Variants in CALN1 observed in about 807,000 individuals in gnomAD.
The protein encoded by CALN1 is calcium-binding protein 8.
In CALN1, 17 loss-of-function variants were observed where a neutral mutation model predicts 30.6. That is an observed-to-expected ratio of 0.56 (90% CI 0.38 to 0.83). CALN1 has a LOEUF of 0.83. CALN1 is among the 40% of genes least tolerant of loss of function. The pLI, the probability that CALN1 is intolerant of heterozygous loss-of-function variation, is 0.00. For synonymous variants in CALN1, 156 were observed against 131.4 expected, an observed-to-expected ratio of 1.19 and a Z score of -1.28; for missense variants, 291 against 354.9, an observed-to-expected ratio of 0.82 and a Z score of 1.45.
intron 1 of CALN1, among the ~76,000 whole-genome samples, chr7:72,406,151 G>A (rs759803726): frequency 1.3e-5 from 2 of 152,208 alleles, no homozygotes; most frequent in African/African-American, 4.8e-5. Context: ...CCCATAGCCA[G>A]AAGCCGTCTC....
chr7:72,226,595 G>A (rs1337786014), intron 3 of CALN1, among the ~76,000 whole-genome samples: 1 of 152,204 alleles, frequency 6.6e-6, no homozygotes, highest in African/African-American at 2.4e-5. Flanking sequence ...TACATGGACA[G>A]GATAAAAGTT....
At chr7:72,109,761 C>T (rs1399584598) in intron 3 of CALN1, among the ~76,000 whole-genome samples, 2 of 152,192 alleles carry the variant, frequency 1.3e-5, no homozygotes, top group Non-Finnish European at 2.9e-5. Context: ...GATGGGAGGA[C>T]GCAGAGGCCA....
intron 2 of CALN1, among the ~76,000 whole-genome samples, chr7:72,324,863 C>A (rs1415669899): frequency 6.6e-6 from 1 of 152,170 alleles, no homozygotes; most frequent in Admixed American, 6.6e-5. Flanking sequence ...GGATTACAGG[C>A]ATGAGCCACT....
chr7:72,453,180 GT>G, the CALN1 span, among the ~76,000 whole-genome samples: 2 of 152,216 alleles, frequency 1.3e-5, no homozygotes, highest in Non-Finnish European at 2.9e-5. Context: ...AGGCTGGGAA[GT>G]TTCTTGGCTT....
At chr7:71,838,021 A>C (rs1026950310) in intron 5 of CALN1, among the ~76,000 whole-genome samples, 1 of 152,134 alleles carries the variant, frequency 6.6e-6, no homozygotes, top group Non-Finnish European at 1.5e-5. Flanking sequence ...GTTAAGTGGT[A>C]ATTGTGGTAA....
At chr7:71,870,713 C>T (rs1160900746) in intron 5 of CALN1, among the ~76,000 whole-genome samples, 6 of 152,102 alleles carry the variant, frequency 3.9e-5, no homozygotes, top group East Asian at 3.9e-4. Flanking sequence ...TCAATAGAAA[C>T]GTACTGAGGA....
chr7:72,501,958 TATATATATAA>T, the CALN1 span, among the ~76,000 whole-genome samples: 276 of 114,670 alleles, frequency 2.4e-3, 5 homozygotes, highest in Non-Finnish European at 3.3e-3. Flanking sequence ...TACACACATA[TATATATATAA>T]ATATATATAC....
chr7:72,349,362 T>C (rs1159751794), intron 2 of CALN1, among the ~76,000 whole-genome samples: 1 of 151,670 alleles, frequency 6.6e-6, no homozygotes, highest in South Asian at 2.1e-4. Flanking sequence ...GAATAAATAG[T>C]GGCTAATATT....
chr7:72,417,665 A>G (rs1015000379), intron 1 of CALN1, among the ~76,000 whole-genome samples: 1 of 152,184 alleles, frequency 6.6e-6, no homozygotes, highest in Non-Finnish European at 1.5e-5. Flanking sequence ...ATGTATAATT[A>G]TTTTCTAAAT....
intron 5 of CALN1, among the ~76,000 whole-genome samples, chr7:71,884,865 G>A (rs970439977): frequency 2.0e-5 from 3 of 152,118 alleles, no homozygotes; most frequent in African/African-American, 7.2e-5. Flanking sequence ...AACGTAGCTA[G>A]ATCTTTTTCT....
At chr7:72,430,026 G>C (rs1340363182) in intron 1 of CALN1, among the ~76,000 whole-genome samples, 1 of 150,870 alleles carries the variant, frequency 6.6e-6, no homozygotes, top group East Asian at 1.9e-4. Context: ...TCACCTTGTT[G>C]GCCAGGCTGG....
At chr7:71,820,375 C>T (rs759059919) in intron 5 of CALN1, among the ~76,000 whole-genome samples, 4 of 152,186 alleles carry the variant, frequency 2.6e-5, no homozygotes, top group Non-Finnish European at 5.9e-5. Context: ...ATGTACAAAA[C>T]TCAGGTGTAG....
chr7:72,098,764 G>GCGCGCACACA lies in CALN1; in HGVS notation c.388+7386_388+7387insTGTGTGCGCG, dbSNP rs1414936509. Among the ~76,000 whole-genome samples the GCGCGCACACA allele has an allele frequency of 4.6e-4, 66 of 142,730 alleles. 1 individual carries two copies. Among genetic ancestry groups the GCGCGCACACA allele is most frequent in the African/African-American group, 1.7e-3 (65 of 37,876 alleles). The allele number at this position is 142,730 out of a possible 152,430, so 93.6% of individuals were successfully genotyped here. A position where few individuals can be genotyped will look rare whatever the true frequency, so the allele number is the denominator to read the frequency against. ...CTGAGCAGTTCAGCCCATTTGGCGC[G>GCGCGCACACA]CACACACACACACACACACACACAC... On this transcript the variant is annotated intron_variant, in intron 4 of 6. Transcript: ENST00000395275.
chr7:72,238,250 T>G (rs1794606863), intron 3 of CALN1, among the ~76,000 whole-genome samples: 1 of 152,162 alleles, frequency 6.6e-6, no homozygotes, highest in African/African-American at 2.4e-5. Flanking sequence ...TATTTCCATT[T>G]TTTTCTTTGA....
intron 1 of CALN1, among the ~76,000 whole-genome samples, chr7:72,429,739 GTATA>G (rs58652627): frequency 1.1e-4 from 16 of 139,678 alleles, no homozygotes; most frequent in African/African-American, 4.3e-4. Flanking sequence ...ATATGTCTGT[GTATA>G]TATATATATA....
intron 5 of CALN1, among the ~76,000 whole-genome samples, chr7:71,831,339 G>A (rs1240137567): frequency 6.6e-6 from 1 of 152,040 alleles, no homozygotes; most frequent in East Asian, 1.9e-4. Context: ...AATTAGCCGG[G>A]TGCAGTGGCG....
At chr7:72,041,514 G>C (rs1162439175) in intron 4 of CALN1, among the ~76,000 whole-genome samples, 1 of 152,098 alleles carries the variant, frequency 6.6e-6, no homozygotes, top group Non-Finnish European at 1.5e-5. Context: ...CTCCCAAGTA[G>C]CTGGGATAAC....
chr7:72,233,725 C>T lies in CALN1; in HGVS notation c.244+44961G>A, dbSNP rs187502116. Among the ~76,000 whole-genome samples the T allele has an allele frequency of 3.3e-5, 5 of 152,048 alleles. No homozygotes were observed. In the East Asian group the frequency reaches 7.8e-4, roughly 24 times the overall value. On this transcript the variant is annotated intron_variant, in intron 3 of 6. Coordinates refer to ENST00000395275, the MANE Select transcript of CALN1 (RefSeq NM_031468.4). ...CTTTCTTTTAAAAACTAAATTAGGCCAGGCATGCTGGCTCACATCTGTAAT... is the reference window on the plus strand; with the variant it reads ...CTTTCTTTTAAAAACTAAATTAGGCTAGGCATGCTGGCTCACATCTGTAAT...
In CALN1 at chr7:72,412,311, T is replaced by A. The variant is rs1038639296; in HGVS notation, c.-327A>T. On this transcript the variant is annotated 5_prime_UTR_variant, in exon 1 of 7. Transcript: ENST00000395275. ...AAGCAGGAAAGAAAAAAACACAAACTCAAGCGGATAGCACCCCAGCGAGCT... is the reference window on the plus strand; with the variant it reads ...AAGCAGGAAAGAAAAAAACACAAACACAAGCGGATAGCACCCCAGCGAGCT... The A allele has an allele frequency of 1.3e-5, 2 of 151,912 alleles. No individual in the cohort carries two copies. Among genetic ancestry groups the A allele is most frequent in the Non-Finnish European group, 2.9e-5 (2 of 68,032 alleles). The allele number at this position is 151,912 out of a possible 1,614,324, so 9.4% of individuals were successfully genotyped here.
Sources: gnomAD v4.1 joint callset for allele counts (sites outside exome capture counted in the v4.1 genomes callset) on GRCh38, gnomAD v4.1.1 for gene constraint, MANE v1.5 for transcripts, NCBI Gene and HGNC (gene_info 2026-07-23, HGNC 2026-07-21) for gene names.